SPATS2: variants seen among roughly 807,000 people sequenced by gnomAD.
SPATS2 encodes the protein spermatogenesis associated serine rich 2, also known as spermatogenesis-associated serine-rich protein 2.
Under a neutral mutation model 63.7 loss-of-function variants are expected in SPATS2, and 38 were observed. The observed-to-expected ratio is 0.60, with a 90% CI of 0.46 to 0.78. SPATS2 has a LOEUF of 0.78. Ranked by LOEUF, SPATS2 falls within the 30% of genes least tolerant of loss-of-function variation. SPATS2 has a pLI of 0.00. For missense variants in SPATS2, 588 were observed against 666.2 expected (o/e 0.88, Z 1.29); for synonymous variants, 207 against 232.9 (o/e 0.89, Z 1.01).
intron 2 of SPATS2, among the ~76,000 whole-genome samples, chr12:49,440,362 TCTCCCG>T (rs1370379040): frequency 6.6e-6 from 1 of 152,174 alleles, no homozygotes; most frequent in East Asian, 1.9e-4. Flanking sequence ...CAGCCTCTTT[TCTCCCG>T]CTCTTAAGAT....
intron 10 of SPATS2, among the ~76,000 whole-genome samples, chr12:49,516,196 T>A (rs192387319): frequency 0.22 from 14,714 of 65,990 alleles, 3,881 homozygotes; most frequent in African/African-American, 0.59. Flanking sequence ...TATATATATA[T>A]ATATATATAT....
upstream of SPATS2, chr12:49,367,300 G>A: frequency 2.7e-6 from 1 of 369,112 alleles, no homozygotes; most frequent in Admixed American, 4.6e-5. Flanking sequence ...GCACGCGCCC[G>A]AGAGGGCTCC....
At chr12:49,511,808 C>A (rs1315634830) in intron 9 of SPATS2, among the ~76,000 whole-genome samples, 2 of 152,212 alleles carry the variant, frequency 1.3e-5, no homozygotes, top group African/African-American at 4.8e-5. Flanking sequence ...GTTATCCTTA[C>A]ACCTAACCTA....
intron 2 of SPATS2, among the ~76,000 whole-genome samples, chr12:49,434,864 G>T (rs1422839930): frequency 6.6e-6 from 1 of 151,850 alleles, no homozygotes; most frequent in Non-Finnish European, 1.5e-5. Context: ...TAAAAACCCA[G>T]ATTTAATAAT....
intron 2 of SPATS2, among the ~76,000 whole-genome samples, chr12:49,444,213 G>T (rs1421238793): frequency 1.5e-5 from 2 of 137,316 alleles, no homozygotes; most frequent in South Asian, 4.4e-4. Context: ...AAGTTTTGTT[G>T]TTGTTTTTTT....
At chr12:49,510,025 G>A (rs1946723611) in intron 9 of SPATS2, among the ~76,000 whole-genome samples, 1 of 151,808 alleles carries the variant, frequency 6.6e-6, no homozygotes. Context: ...GGGAGGCCAA[G>A]GCGAGAGAAT....
intron 3 of SPATS2, among the ~76,000 whole-genome samples, chr12:49,474,899 G>A (rs1193899139): frequency 2.6e-5 from 4 of 152,186 alleles, no homozygotes; most frequent in African/African-American, 9.7e-5. Flanking sequence ...CAATCTTGGC[G>A]GAAGGCAAGG....
At chr12:49,448,140 CTTT>C (rs572119924) in intron 2 of SPATS2, among the ~76,000 whole-genome samples, 5 of 132,130 alleles carry the variant, frequency 3.8e-5, no homozygotes, top group Non-Finnish European at 5.0e-5. Context: ...TATTTTCTTT[CTTT>C]TTTTTTTTTT....
intron 2 of SPATS2, among the ~76,000 whole-genome samples, chr12:49,409,592 ATTTTTT>A (rs753378038): frequency 5.4e-5 from 4 of 73,562 alleles, no homozygotes; most frequent in Non-Finnish European, 1.0e-4. Flanking sequence ...GTGCCCAGCA[ATTTTTT>A]TTTTTTTTTT....
At chr12:49,480,562 T>G (rs1244870290) in intron 3 of SPATS2, among the ~76,000 whole-genome samples, 1 of 152,216 alleles carries the variant, frequency 6.6e-6, no homozygotes, top group African/African-American at 2.4e-5. Flanking sequence ...TCCTAGTGTA[T>G]CTCAACGCCT....
At chr12:49,433,575 T>C (rs1218551063) in intron 2 of SPATS2, among the ~76,000 whole-genome samples, 2 of 152,220 alleles carry the variant, frequency 1.3e-5, no homozygotes, top group African/African-American at 2.4e-5. Flanking sequence ...TTGGTGACCA[T>C]TTATTTATCT....
rs750032183 is a variant in SPATS2 at position 49,496,890 on chromosome 12, C to G, written c.584C>G (p.Ser195Cys). The G allele has an allele frequency of 2.5e-6, 4 of 1,613,960 alleles. No individual in the cohort carries two copies. In the African/African-American group the frequency reaches 5.3e-5, roughly 22 times the overall value. Reference sequence around the variant, plus strand: ...GAGACCAAGTCTTTGACTATGCACTCTATTCACAATTCTCAACAACCCAGG... The same window carrying G: ...GAGACCAAGTCTTTGACTATGCACTGTATTCACAATTCTCAACAACCCAGG... The part of the protein sequence containing the change: ...DFETKSLTMH[S>C]IHNSQQPRNA... Residue 195 changes from serine to cysteine, a missense_variant, in exon 8 of 14, where the codon TCT becomes TGT. Physicochemically the swap from Ser to Cys is moderately radical, Grantham distance 112. Transcript: ENST00000552918.
intron 2 of SPATS2, among the ~76,000 whole-genome samples, chr12:49,443,081 C>A (rs1332543602): frequency 6.6e-6 from 1 of 152,132 alleles, no homozygotes. Context: ...TCAGAATTTC[C>A]TTCCTCTTTA....
chr12:49,518,662 G>A (rs1268769969), intron 10 of SPATS2, among the ~76,000 whole-genome samples: 6 of 152,236 alleles, frequency 3.9e-5, no homozygotes, highest in African/African-American at 7.2e-5. Flanking sequence ...ATATTTGGAT[G>A]TGTACGTAAG....
At chr12:49,464,552 G>C (rs538555121) in intron 3 of SPATS2, among the ~76,000 whole-genome samples, 1 of 151,402 alleles carries the variant, frequency 6.6e-6, no homozygotes, top group East Asian at 1.9e-4. Flanking sequence ...GCTTGAACCC[G>C]GGAGGTGGAG....
At chr12:49,522,170 C>T (rs1428562790) in intron 11 of SPATS2, among the ~76,000 whole-genome samples, 2 of 152,188 alleles carry the variant, frequency 1.3e-5, no homozygotes, top group Non-Finnish European at 2.9e-5. Context: ...GGTTACTTCT[C>T]AGCTCAGTCT....
chr12:49,375,743 A>C (rs1373068842), intron 2 of SPATS2, among the ~76,000 whole-genome samples: 1 of 152,184 alleles, frequency 6.6e-6, no homozygotes, highest in South Asian at 2.1e-4. Flanking sequence ...TAATGACGGG[A>C]AGTTAATGTA....
At chr12:49,455,792 T>C (rs1945709492) in intron 2 of SPATS2, among the ~76,000 whole-genome samples, 2 of 152,146 alleles carry the variant, frequency 1.3e-5, no homozygotes, top group Admixed American at 6.5e-5. Flanking sequence ...CAGCTAATTT[T>C]TGTATTTTTT....
At chr12:49,457,211 G>T (rs1025425865) in intron 2 of SPATS2, among the ~76,000 whole-genome samples, 1 of 152,046 alleles carries the variant, frequency 6.6e-6, no homozygotes, top group Non-Finnish European at 1.5e-5. Context: ...TTCTTCATCT[G>T]TTGCATGGAA....
Sources: allele counts gnomAD v4.1 joint callset (sites outside exome capture counted in the v4.1 genomes callset), GRCh38; gene constraint gnomAD v4.1.1; transcripts MANE v1.5; gene names NCBI Gene and HGNC (gene_info 2026-07-23, HGNC 2026-07-21).